The following ZNF138 variants were observed in gnomAD, a reference collection of about 807,000 sequenced individuals.
ZNF138 encodes zinc finger protein 138 (clone pHZ-32).
ZNF138 carries 33 observed loss-of-function variants against 33.0 expected under a neutral mutation model. The observed-to-expected ratio is 1.00, with a 90% CI of 0.76 to 1.34. ZNF138 has a LOEUF of 1.34. Among genes scored for constraint, ZNF138 ranks in the 40% most tolerant of loss-of-function variants. The pLI is 0.00. For synonymous variants in ZNF138, 139 were observed against 120.4 expected (o/e 1.15, Z -1.01); for missense variants, 360 against 370.8 (o/e 0.97, Z 0.24).
At chr7:64,827,042 G>C (rs1051509021) in intron 3 of ZNF138, among the ~76,000 whole-genome samples, 1 of 151,990 alleles carries the variant, frequency 6.6e-6, no homozygotes, top group African/African-American at 2.4e-5. Flanking sequence ...TTATAATAAA[G>C]AGGTTTATAT....
chr7:64,809,018 C>T (rs1388200200), intron 1 of ZNF138, among the ~76,000 whole-genome samples: 21 of 130,994 alleles, frequency 1.6e-4, no homozygotes, highest in African/African-American at 4.9e-4. Flanking sequence ...TCCGATTTCT[C>T]AATCTTTTCC....
In ZNF138 at chr7:64,815,664, G is replaced by A. The variant is rs1409104162; in HGVS notation, c.208+11G>A. On this transcript the variant is annotated intron_variant, in intron 3 of 3. Transcript: ENST00000307355. The stretch of plus-strand genomic sequence containing the variant: ...TAGCCAAACATTCAGGTAGGTGAGA[G>A]TGAATACACAGATGGCACAGATGAG... 2 of 1,608,726 alleles carry A rather than the reference G, an allele frequency of 1.2e-6. No homozygotes were observed. Among genetic ancestry groups the A allele is most frequent in the Non-Finnish European group, 1.7e-6 (2 of 1,177,376 alleles).
intron 3 of ZNF138, among the ~76,000 whole-genome samples, chr7:64,827,783 A>G (rs1415543301): frequency 6.6e-6 from 1 of 151,824 alleles, no homozygotes; most frequent in African/African-American, 2.4e-5. Context: ...AGTAAGTTTT[A>G]CCTTTCATGT....
the ZNF138 span, chr7:64,853,364 G>A: frequency 2.8e-6 from 4 of 1,444,492 alleles, no homozygotes; most frequent in Admixed American, 5.4e-5. Flanking sequence ...TGGTTGTTGG[G>A]CCCCACTCTC....
intron 1 of ZNF138, among the ~76,000 whole-genome samples, chr7:64,798,335 T>G (rs1487554461): frequency 1.3e-5 from 2 of 152,226 alleles, no homozygotes; most frequent in African/African-American, 2.4e-5. Context: ...TCAGACTGAG[T>G]AGCTCAAAGT....
chr7:64,799,366 A>C (rs1786959846), intron 1 of ZNF138, among the ~76,000 whole-genome samples: 1 of 152,030 alleles, frequency 6.6e-6, no homozygotes, highest in Admixed American at 6.6e-5. Flanking sequence ...GGGTTTCTCC[A>C]TGTTCAGGCT....
chr7:64,808,759 C>T (rs1250445021), intron 1 of ZNF138, among the ~76,000 whole-genome samples: 1 of 135,150 alleles, frequency 7.4e-6, no homozygotes, highest in East Asian at 2.1e-4. Context: ...GTGTTTGTGT[C>T]CCTGGGTACT....
chr7:64,805,994 G>A (rs1410883635), intron 1 of ZNF138, among the ~76,000 whole-genome samples: 4 of 152,340 alleles, frequency 2.6e-5, no homozygotes, highest in African/African-American at 7.2e-5. Context: ...TGAGTGTGAT[G>A]CATGTCACAT....
At chr7:64,858,207 G>C in the ZNF138 span, among the ~76,000 whole-genome samples, 15 of 152,118 alleles carry the variant, frequency 9.9e-5, 1 homozygote, top group South Asian at 2.9e-3. Context: ...TTTCTTTCAG[G>C]GTTTTATTTA....
downstream of ZNF138, among the ~76,000 whole-genome samples, chr7:64,838,311 G>A (rs911834560): frequency 7.9e-5 from 12 of 152,162 alleles, no homozygotes; most frequent in East Asian, 1.9e-4. Context: ...GCGTGTTGGC[G>A]GCTTGGGGTT....
the ZNF138 span, chr7:64,853,233 A>G: frequency 6.2e-6 from 10 of 1,607,660 alleles, no homozygotes; most frequent in African/African-American, 1.2e-4. Flanking sequence ...AGATTCCAGC[A>G]ATTTTTGCAG....
intron 1 of ZNF138, among the ~76,000 whole-genome samples, chr7:64,813,833 T>G (rs1781132311): frequency 6.6e-6 from 1 of 152,178 alleles, no homozygotes. Flanking sequence ...CAACACCGCA[T>G]AAAATTTGTC....
At chr7:64,821,050 G>A (rs1356443358) in intron 3 of ZNF138, among the ~76,000 whole-genome samples, 6 of 10,800 alleles carry the variant, frequency 5.6e-4, no homozygotes, top group South Asian at 5.5e-3. Context: ...TTTTTGTTTT[G>A]TTTTTGGTTT....
At chr7:64,821,591 G>C (rs1789149964) in intron 3 of ZNF138, among the ~76,000 whole-genome samples, 1 of 151,320 alleles carries the variant, frequency 6.6e-6, no homozygotes, top group Admixed American at 6.6e-5. Flanking sequence ...TTGTTGCCCA[G>C]GCTAGAGTGC....
At chr7:64,851,877 G>A in the ZNF138 span, among the ~76,000 whole-genome samples, 1,929 of 152,248 alleles carry the variant, frequency 0.013, 34 homozygotes, top group African/African-American at 0.044. Flanking sequence ...AGATGCTCTT[G>A]AGAGAAGACT....
Position 64,808,020 on chromosome 7 carries a change from T to C in ZNF138, c.4-6898T>C, listed in dbSNP as rs1430138575. Among the ~76,000 whole-genome samples, 3 of 152,184 alleles carry C rather than the reference T, an allele frequency of 2.0e-5. No homozygotes were observed. The East Asian group carries it at 5.8e-4, about 29-fold the overall frequency. On this transcript the variant is annotated intron_variant, in intron 1 of 3. Transcript: ENST00000307355. ...CTGGAGCTCCGCTAGGGCAGTTTCA[T>C]TTTTTATTTAGAATCAGCCTGTCCC... is the stretch of plus-strand genomic sequence containing the variant.
At chr7:64,849,345 G>A in the ZNF138 span, among the ~76,000 whole-genome samples, 10 of 152,136 alleles carry the variant, frequency 6.6e-5, no homozygotes, top group Admixed American at 1.3e-4. Flanking sequence ...GGTGGAGGTA[G>A]CAGGTGATGA....
rs771934924 is a variant in ZNF138 at position 64,815,000 on chromosome 7, A to G, written c.86A>G (p.Tyr29Cys). Residue 29 changes from tyrosine (Y) to cysteine (C), a missense_variant, in exon 2 of 4, where the codon TAT (tyrosine) becomes TGT (cysteine). Coordinates refer to ENST00000307355, the MANE Select transcript of ZNF138 (RefSeq NM_001271639.2). ...QCLDTAQRNV[Y>C]RHVMLENYRN... ...CTGGACACTGCACAGCGGAATGTAT[A>G]TAGGCATGTGATGTTAGAGAACTAC... 2.5e-6 allele frequency: 4 copies of G among 1,612,820 alleles called. No individual in the cohort carries two copies. Among genetic ancestry groups the G allele is most frequent in the African/African-American group, 2.7e-5 (2 of 74,844 alleles).
downstream of ZNF138, among the ~76,000 whole-genome samples, chr7:64,838,211 G>A (rs1245962952): frequency 6.6e-6 from 1 of 152,192 alleles, no homozygotes; most frequent in Non-Finnish European, 1.5e-5. Flanking sequence ...CGCCATCCGA[G>A]GAGGGGTCGC....
Sources: gnomAD v4.1 joint callset for allele counts (sites outside exome capture counted in the v4.1 genomes callset) on GRCh38, gnomAD v4.1.1 for gene constraint, MANE v1.5 for transcripts, NCBI Gene and HGNC (gene_info 2026-07-23, HGNC 2026-07-21) for gene names.